Variants in EIF4G3 observed in about 807,000 individuals in gnomAD.
EIF4G3 encodes the protein eukaryotic translation initiation factor 4 gamma 3.
In EIF4G3, 34 loss-of-function variants were observed where a neutral mutation model predicts 186.4. That is an observed-to-expected ratio of 0.18 (90% confidence interval 0.14 to 0.24). The LOEUF (loss-of-function observed/expected upper bound fraction) is 0.24. EIF4G3 is among the 10% of genes least tolerant of loss of function. EIF4G3 has a pLI of 1.00. For missense variants in EIF4G3, 1,536 were observed against 1,948.5 expected, an observed-to-expected ratio of 0.79 and a Z score of 3.99; for synonymous variants, 673 against 679.5, an observed-to-expected ratio of 0.99 and a Z score of 0.15.
At chr1:20,854,482 C>T (rs2074272887) in intron 26 of EIF4G3, among the ~76,000 whole-genome samples, 1 of 151,030 alleles carries the variant, frequency 6.6e-6, no homozygotes, top group African/African-American at 2.4e-5. Context: ...TCACTGCAGC[C>T]CACGAGTGCA....
At chr1:20,957,361 TCA>T (rs748715093) in intron 12 of EIF4G3, among the ~76,000 whole-genome samples, 11 of 152,004 alleles carry the variant, frequency 7.2e-5, no homozygotes, top group Non-Finnish European at 1.5e-4. Context: ...ATACAAGTTA[TCA>T]AAACCTCTGG....
At chr1:20,892,082 T>C (rs1261122080) in intron 18 of EIF4G3, among the ~76,000 whole-genome samples, 1 of 152,146 alleles carries the variant, frequency 6.6e-6, no homozygotes, top group East Asian at 1.9e-4. Context: ...AATAATCAAA[T>C]AATTTAAATA....
intron 14 of EIF4G3, among the ~76,000 whole-genome samples, chr1:20,907,797 T>C (rs2092502604): frequency 6.6e-6 from 1 of 152,104 alleles, no homozygotes; most frequent in South Asian, 2.1e-4. Flanking sequence ...CTATCATTGT[T>C]GGACATTTAG....
At chr1:20,837,863 A>G (rs2067216954) in intron 30 of EIF4G3, among the ~76,000 whole-genome samples, 1 of 152,140 alleles carries the variant, frequency 6.6e-6, no homozygotes, top group Non-Finnish European at 1.5e-5. Flanking sequence ...AGGTGGCACT[A>G]AATTGTCAGG....
intron 2 of EIF4G3, chr1:21,174,581 T>A (rs2098063421): frequency 6.6e-6 from 1 of 152,002 alleles, no homozygotes; most frequent in South Asian, 2.1e-4. Flanking sequence ...AAAAATGAAA[T>A]TAGAAAGGAA....
rs1029605634 is a variant in EIF4G3 at position 20,851,333 on chromosome 1, C to T, written c.3697G>A (p.Val1233Met). ...EEQRREMLET[V>M]KQLTGGVDVE... is the part of the protein sequence containing the mutation. ...TCCACACCTCCTGTGAGCTGCTTCA[C>T]GGTCTCCAGCATCTCTCTCCGCTGC... The change falls in exon 28 of 37, where the codon GTG becomes ATG. Residue 1233 changes from valine to methionine, a missense_variant. Around this residue, in one of 11 missense-constraint regions of EIF4G3, gnomAD observed 395 missense variants for 498.9 expected, o/e 0.79. Coordinates refer to ENST00000602326, the MANE Select transcript of EIF4G3 (RefSeq NM_001391906.1). 1.2e-5 allele frequency: 20 copies of T among 1,614,046 alleles called. No homozygotes were observed. The highest frequency in any genetic ancestry group is 6.7e-5 in the Admixed American group (4 of 60,002).
intron 14 of EIF4G3, among the ~76,000 whole-genome samples, chr1:20,935,848 C>CTA (rs2095501154): frequency 2.0e-5 from 3 of 152,182 alleles, no homozygotes; most frequent in Non-Finnish European, 4.4e-5. Context: ...GGGAGCACAG[C>CTA]TCTAGGCTGA....
At position 20,845,866 on chromosome 1, in the gene EIF4G3, A is replaced by G. The variant is rs1178184592; in HGVS notation, c.3888+3549T>C. On this transcript the variant is annotated intron_variant, in intron 29 of 36. Transcript: ENST00000602326. Reference sequence around the variant, plus strand: ...ATGTCAGTGGGAGTTTAATGGGAATAGCACTGAATCTATAAATTGCTTTGG... The same window carrying G: ...ATGTCAGTGGGAGTTTAATGGGAATGGCACTGAATCTATAAATTGCTTTGG... Among the ~76,000 whole-genome samples the G allele has an allele frequency of 2.6e-5, 4 of 152,098 alleles. No individual in the cohort carries two copies. In the East Asian group the frequency reaches 7.7e-4, roughly 29 times the overall value.
At chr1:21,035,621 C>T (rs1195705615) in intron 4 of EIF4G3, among the ~76,000 whole-genome samples, 3 of 152,246 alleles carry the variant, frequency 2.0e-5, no homozygotes, top group Non-Finnish European at 4.4e-5. Flanking sequence ...AGCTTGGCCC[C>T]TCCAAACTTT....
intron 35 of EIF4G3, among the ~76,000 whole-genome samples, chr1:20,812,334 A>T (rs2059406787): frequency 6.6e-6 from 1 of 152,306 alleles, no homozygotes; most frequent in Non-Finnish European, 1.5e-5. Context: ...TGATGGTTCT[A>T]TGGATACTGA....
chr1:21,085,285 A>G (rs34512095), intron 3 of EIF4G3, among the ~76,000 whole-genome samples: 3,963 of 152,248 alleles, frequency 0.026, 110 homozygotes, highest in Middle Eastern at 0.12. Context: ...AGAAAACATT[A>G]TCGTATTTTA....
At chr1:20,904,173 A>G (rs544898351) in intron 15 of EIF4G3, among the ~76,000 whole-genome samples, 7 of 152,308 alleles carry the variant, frequency 4.6e-5, no homozygotes, top group African/African-American at 1.7e-4. Flanking sequence ...GGATGCAGTT[A>G]ACAGATGACA....
In EIF4G3 at chr1:20,998,880, C is replaced by G. The variant is rs1484461448; in HGVS notation, c.145-1247G>C. On this transcript the variant is annotated intron_variant, in intron 6 of 36. Coordinates refer to ENST00000602326, the MANE Select transcript of EIF4G3 (RefSeq NM_001391906.1). ...ATATTTAAGGAGCAAAAATATATGTCTTTGGCTCTCTTATTTCCTCTATAG... is the reference window on the plus strand; with the variant it reads ...ATATTTAAGGAGCAAAAATATATGTGTTTGGCTCTCTTATTTCCTCTATAG... 3.9e-5 allele frequency: 16 copies of G among 405,804 alleles called. No homozygotes were observed. The Admixed American group carries it at 4.4e-4, about 11-fold the overall frequency. 25.1% of individuals were successfully genotyped at this position (405,804 alleles called of 1,614,324 possible).
intron 12 of EIF4G3, among the ~76,000 whole-genome samples, chr1:20,960,275 T>C (rs1322131220): frequency 6.6e-6 from 1 of 152,094 alleles, no homozygotes; most frequent in Admixed American, 6.5e-5. Context: ...AAAACCAGCC[T>C]GGCCAACAGG....
intron 18 of EIF4G3, among the ~76,000 whole-genome samples, chr1:20,892,048 G>A (rs940649223): frequency 3.9e-5 from 6 of 152,118 alleles, no homozygotes; most frequent in East Asian, 1.9e-4. Context: ...TCAAGTATAC[G>A]CCATCACTGT....
chr1:20,855,171 C>A, intron 25 of EIF4G3, 100 bp from the exon 26 acceptor site: 5 of 899,216 alleles, frequency 5.6e-6, no homozygotes, highest in South Asian at 1.8e-5. Context: ...CCAATTTTAG[C>A]AACAAAAATT....
chr1:20,937,411 AAGACATGCAGC>A (rs2095552406), intron 14 of EIF4G3, among the ~76,000 whole-genome samples: 1 of 152,234 alleles, frequency 6.6e-6, no homozygotes, highest in African/African-American at 2.4e-5. Flanking sequence ...TGCTTTCCCC[AAGACATGCAGC>A]AGATAAAGTA....
intron 14 of EIF4G3, among the ~76,000 whole-genome samples, chr1:20,921,207 A>G (rs2094472037): frequency 6.6e-6 from 1 of 152,202 alleles, no homozygotes; most frequent in Non-Finnish European, 1.5e-5. Context: ...GAACAATTCC[A>G]TATGTTGTTA....
chr1:20,998,690 G>A, intron 6 of EIF4G3: 1 of 181,638 alleles, frequency 5.5e-6, no homozygotes, highest in Non-Finnish European at 1.2e-5. Context: ...GCCATATTCT[G>A]GATACTAATA....
Sources: allele counts gnomAD v4.1 joint callset (sites outside exome capture counted in the v4.1 genomes callset), GRCh38; gene constraint gnomAD v4.1.1; regional missense constraint gnomAD v4.1.1; transcripts MANE v1.5; gene names NCBI Gene and HGNC (gene_info 2026-07-23, HGNC 2026-07-21).